Variants in MAP4K3 observed in about 807,000 individuals in gnomAD.
MAP4K3 encodes MAPK/ERK kinase kinase kinase 3.
A neutral mutation model predicts 143.5 loss-of-function variants in MAP4K3; 94 were observed. That is an observed-to-expected ratio of 0.65 (90% CI 0.55 to 0.78). The LOEUF is 0.78. Among genes scored for constraint, MAP4K3 ranks in the 30% least tolerant of loss-of-function variants. The pLI, the probability that MAP4K3 is intolerant of heterozygous loss-of-function variation, is 0.00. For missense variants in MAP4K3, 1,077 were observed against 1,068.1 expected (o/e 1.01, Z -0.12); for synonymous variants, 416 against 347.2 (o/e 1.20, Z -2.20).
intron 1 of MAP4K3, among the ~76,000 whole-genome samples, chr2:39,416,005 A>AT (rs57578495): frequency 0.016 from 1,445 of 91,236 alleles, 140 homozygotes; most frequent in African/African-American, 0.056. Flanking sequence ...ATATATATAT[A>AT]AAAATAACAT....
intron 1 of MAP4K3, among the ~76,000 whole-genome samples, chr2:39,412,464 CA>C (rs931293568): frequency 6.6e-6 from 1 of 151,392 alleles, no homozygotes; most frequent in African/African-American, 2.4e-5. Context: ...GAAATAAAAA[CA>C]AAAAAAATTA....
At chr2:39,430,964 T>A (rs1182056892) in intron 1 of MAP4K3, among the ~76,000 whole-genome samples, 1 of 152,240 alleles carries the variant, frequency 6.6e-6, no homozygotes, top group Non-Finnish European at 1.5e-5. Context: ...CCTCTCGTGT[T>A]GGTTCATTTA....
chr2:39,293,870 G>C (rs796754081), intron 16 of MAP4K3: 1 of 152,854 alleles, frequency 6.5e-6, no homozygotes, highest in Non-Finnish European at 1.5e-5. Context: ...AGTGGTGCAC[G>C]GGCAAACACA....
At chr2:39,396,519 G>T (rs1270864695) in intron 1 of MAP4K3, among the ~76,000 whole-genome samples, 1 of 140,080 alleles carries the variant, frequency 7.1e-6, no homozygotes, top group Non-Finnish European at 1.5e-5. Context: ...TCACTTTGTC[G>T]CCCAGGCTGG....
At chr2:39,346,992 G>C (rs1201433080) in intron 3 of MAP4K3, among the ~76,000 whole-genome samples, 1 of 151,980 alleles carries the variant, frequency 6.6e-6, no homozygotes, top group Non-Finnish European at 1.5e-5. Flanking sequence ...CTCAAAGTGT[G>C]ATCTGGAGGT....
intron 3 of MAP4K3, among the ~76,000 whole-genome samples, chr2:39,349,934 G>A (rs752406602): frequency 2.6e-5 from 4 of 152,158 alleles, no homozygotes; most frequent in Non-Finnish European, 5.9e-5. Context: ...GAACGTATCT[G>A]TAACTTCACC....
intron 1 of MAP4K3, among the ~76,000 whole-genome samples, chr2:39,430,419 T>A (rs1266682278): frequency 6.6e-6 from 1 of 152,024 alleles, no homozygotes; most frequent in East Asian, 1.9e-4. Context: ...GTCAAGGCAG[T>A]TAGAACTCAG....
At chr2:39,419,260 C>T (rs1161980519) in intron 1 of MAP4K3, among the ~76,000 whole-genome samples, 2 of 151,818 alleles carry the variant, frequency 1.3e-5, no homozygotes, top group Non-Finnish European at 2.9e-5. Flanking sequence ...AAACTAGATC[C>T]CTTTACTGCC....
chr2:39,431,510 C>T (rs75503939), intron 1 of MAP4K3, among the ~76,000 whole-genome samples: 5,922 of 152,188 alleles, frequency 0.039, 148 homozygotes, highest in South Asian at 0.052. Context: ...AACTGTATCC[C>T]TGAAAGTGGT....
At chr2:39,285,349 T>TA (rs779331948) in intron 21 of MAP4K3, among the ~76,000 whole-genome samples, 96 of 152,238 alleles carry the variant, frequency 6.3e-4, no homozygotes, top group Non-Finnish European at 1.2e-3. Context: ...AATGCATACA[T>TA]AAAAAATGTT....
At chr2:39,400,690 C>T (rs1203692459) in intron 1 of MAP4K3, among the ~76,000 whole-genome samples, 1 of 151,770 alleles carries the variant, frequency 6.6e-6, no homozygotes, top group Non-Finnish European at 1.5e-5. Context: ...GGAAGTCCTG[C>T]TTTATTTATA....
intron 1 of MAP4K3, among the ~76,000 whole-genome samples, chr2:39,408,319 TC>T (rs1259825988): frequency 6.6e-6 from 1 of 152,018 alleles, no homozygotes; most frequent in Non-Finnish European, 1.5e-5. Context: ...GTCAAAATAG[TC>T]TACTTGACCC....
At chr2:39,251,205 C>CA (rs1451171694) in intron 33 of MAP4K3, among the ~76,000 whole-genome samples, 1 of 152,184 alleles carries the variant, frequency 6.6e-6, no homozygotes, top group African/African-American at 2.4e-5. Flanking sequence ...GATTTAATGA[C>CA]AAAGGCTTTG....
chr2:39,376,019 T>C (rs551777197), intron 2 of MAP4K3, among the ~76,000 whole-genome samples: 1 of 152,336 alleles, frequency 6.6e-6, no homozygotes, highest in South Asian at 2.1e-4. Context: ...CTGTGAATAA[T>C]GCTACTATAA....
intron 27 of MAP4K3, 71 bp downstream of exon 27, chr2:39,267,118 G>C: frequency 5.1e-6 from 7 of 1,382,920 alleles, no homozygotes; most frequent in Non-Finnish European, 7.2e-6. Context: ...AATGCCCTGG[G>C]GTAGTACTGT....
intron 21 of MAP4K3, among the ~76,000 whole-genome samples, chr2:39,284,425 T>C (rs1189680204): frequency 6.6e-6 from 1 of 152,160 alleles, no homozygotes; most frequent in Non-Finnish European, 1.5e-5. Context: ...CCTCCCAAAG[T>C]GTACGGATTA....
intron 15 of MAP4K3, among the ~76,000 whole-genome samples, chr2:39,304,693 A>G (rs1682634765): frequency 6.6e-6 from 1 of 152,210 alleles, no homozygotes; most frequent in African/African-American, 2.4e-5. Context: ...TAGAACTACA[A>G]GTCCATTTCT....
chr2:39,431,626 G>A (rs868432058), intron 1 of MAP4K3, among the ~76,000 whole-genome samples: 1 of 152,156 alleles, frequency 6.6e-6, no homozygotes, highest in South Asian at 2.1e-4. Context: ...ATATTGGTGG[G>A]GAGGGGTGGA....
In MAP4K3 at chr2:39,258,418, G is replaced by C; in HGVS notation, c.2400C>G (p.Leu800=). The part of the protein sequence containing the change: ...CLDCCIKIVN[L]QGRLKSSRKL... ...TCCTGCTAGATTTTAATCTTCCTTG[G>C]AGATTTACTATTTTTATACAACCTA... The change falls in exon 31 of 34, where the codon CTC becomes CTG. Residue 800 remains leucine, a synonymous_variant. Transcript: ENST00000263881. 4 of 1,610,468 alleles carry C rather than the reference G, an allele frequency of 2.5e-6. No individual in the cohort carries two copies. Among genetic ancestry groups the C allele is most frequent in the Non-Finnish European group, 2.5e-6 (3 of 1,177,896 alleles).
Sources: gnomAD v4.1 joint callset for allele counts (sites outside exome capture counted in the v4.1 genomes callset) on GRCh38, gnomAD v4.1.1 for gene constraint, MANE v1.5 for transcripts, NCBI Gene and HGNC (gene_info 2026-07-23, HGNC 2026-07-21) for gene names.